Variants in RPTOR observed in about 807,000 individuals in gnomAD.
RPTOR encodes the protein regulatory associated protein of MTOR complex 1, also known as regulatory-associated protein of mTOR.
Under a neutral mutation model 169.9 loss-of-function variants are expected in RPTOR, and 21 were observed. The ratio of observed to expected loss-of-function variants is 0.12; its 90% CI spans 0.09 to 0.18. RPTOR has a LOEUF of 0.18. Ranked by LOEUF, RPTOR falls within the 10% of genes least tolerant of loss-of-function variation. The pLI, the probability that RPTOR is intolerant of heterozygous loss-of-function variation, is 1.00. For missense variants in RPTOR, 1,133 were observed against 1,855.9 expected (o/e 0.61, Z 7.16); for synonymous variants, 732 against 753.2 (o/e 0.97, Z 0.46).
intron 5 of RPTOR, among the ~76,000 whole-genome samples, chr17:80,735,061 G>A (rs1482720311): frequency 6.6e-6 from 1 of 152,198 alleles, no homozygotes; most frequent in African/African-American, 2.4e-5. Context: ...AGGGATGACT[G>A]CAACAAGCAG....
In RPTOR at chr17:80,947,237, T is replaced by A. The variant is rs1453498755; in HGVS notation, c.3151T>A (p.Trp1051Arg). Residue 1051 changes from tryptophan (W) to arginine (R), a missense_variant, in exon 27 of 34, where the codon TGG (tryptophan) becomes AGG (arginine). Trp to Arg is a moderately radical substitution (Grantham distance 101). This residue lies in a region of RPTOR where 410 missense variants were observed against 623.7 expected (regional missense o/e 0.66). Transcript: ENST00000306801. This position sits in a 1 kb window ranked among gnomAD's most constrained non-coding sequence, Gnocchi z 4.4. ...ADKDSICFWDWEKGEKLDYFH... is the reference protein window; with the variant it reads ...ADKDSICFWDREKGEKLDYFH... ...TCTTCTTCCCTTAAGCTTTTGGGACTGGGAGAAAGGGGAGAAGCTGGATTA... is the reference window on the plus strand; with the variant it reads ...TCTTCTTCCCTTAAGCTTTTGGGACAGGGAGAAAGGGGAGAAGCTGGATTA... The A allele has an allele frequency of 6.3e-7, 1 of 1,597,058 alleles. No homozygotes were observed. The highest frequency in any genetic ancestry group is 2.3e-5 in the East Asian group (1 of 43,602).
chr17:80,588,840 T>C (rs138464941), intron 1 of RPTOR, among the ~76,000 whole-genome samples: 3,556 of 152,320 alleles, frequency 0.023, 62 homozygotes, highest in Non-Finnish European at 0.032. Flanking sequence ...TCTTGTCCTG[T>C]GAAACATCTC....
At chr17:80,548,371 G>GTTTT (rs34301408) in intron 1 of RPTOR, among the ~76,000 whole-genome samples, 7 of 63,436 alleles carry the variant, frequency 1.1e-4, no homozygotes, top group Non-Finnish European at 1.5e-4. Flanking sequence ...GCCTGGGGTG[G>GTTTT]TTTTTTTTTT....
intron 3 of RPTOR, among the ~76,000 whole-genome samples, chr17:80,696,406 G>T (rs2066036682): frequency 6.6e-6 from 1 of 152,054 alleles, no homozygotes; most frequent in Non-Finnish European, 1.5e-5. Context: ...GTCCATGTTG[G>T]GACAAAAAAA....
chr17:80,809,454 G>T (rs765674922), intron 7 of RPTOR, among the ~76,000 whole-genome samples: 1 of 152,220 alleles, frequency 6.6e-6, no homozygotes, highest in Non-Finnish European at 1.5e-5. Flanking sequence ...GGCCACCCAA[G>T]TGCCGGGATT....
rs558435841 is a variant in RPTOR, at chr17:80,864,491, A to G, written c.1509+6591A>G. ...GACAGCGGAACAGCATCTTTAAAGC[A>G]GAGAGAGAGACAGAGAAAGAGAAAA... is the stretch of plus-strand genomic sequence containing the variant. On this transcript the variant is annotated intron_variant, in intron 13 of 33. Transcript: ENST00000306801. 1.5e-4 allele frequency among the ~76,000 whole-genome samples: 23 copies of G among 152,200 alleles called. No individual in the cohort carries two copies. In the South Asian group the frequency reaches 4.3e-3, roughly 29 times the overall value.
chr17:80,928,657 T>C (rs1223449859), intron 24 of RPTOR, among the ~76,000 whole-genome samples: 1 of 152,232 alleles, frequency 6.6e-6, no homozygotes, highest in East Asian at 1.9e-4. Context: ...CGGCTCACCT[T>C]TGATTGGTGA....
intron 3 of RPTOR, among the ~76,000 whole-genome samples, chr17:80,685,096 A>G (rs781011045): frequency 8.5e-6 from 1 of 117,484 alleles, no homozygotes; most frequent in Non-Finnish European, 1.7e-5. Context: ...TCAGGATTGT[A>G]TACCCTTTTC....
intron 23 of RPTOR, among the ~76,000 whole-genome samples, chr17:80,924,682 C>T (rs898017616): frequency 7.9e-5 from 12 of 152,068 alleles, no homozygotes; most frequent in African/African-American, 2.9e-4. Flanking sequence ...GGGGGGGATG[C>T]ACCTCTCACT....
rs4969310 is a variant in RPTOR, at chr17:80,928,180, T to G, written c.2919+2700T>G. ...CTGATAGCAACTGCAGTCTTAGGAGTGTCTTTAACATTAGAGACCTTTTCC... is the reference window on the plus strand; with the variant it reads ...CTGATAGCAACTGCAGTCTTAGGAGGGTCTTTAACATTAGAGACCTTTTCC... On this transcript the variant is annotated intron_variant, in intron 24 of 33. Coordinates refer to ENST00000306801, the MANE Select transcript of RPTOR (RefSeq NM_020761.3). Among the ~76,000 whole-genome samples, 3 of 152,100 alleles carry G rather than the reference T, an allele frequency of 2.0e-5. No homozygotes were observed. In the South Asian group the frequency reaches 6.2e-4, roughly 32 times the overall value.
At chr17:80,907,468 G>A (rs1052164552) in intron 20 of RPTOR, among the ~76,000 whole-genome samples, 1 of 152,236 alleles carries the variant, frequency 6.6e-6, no homozygotes, top group African/African-American at 2.4e-5. Flanking sequence ...TCTGGTCCTC[G>A]GCCCAGCCCT....
intron 7 of RPTOR, among the ~76,000 whole-genome samples, chr17:80,799,611 G>A (rs752934700): frequency 2.0e-5 from 3 of 152,176 alleles, no homozygotes; most frequent in Non-Finnish European, 4.4e-5. Context: ...GTCACGTGAC[G>A]CAAGGAGAAT....
At chr17:80,634,197 CATACT>C (rs2065466012) in intron 2 of RPTOR, among the ~76,000 whole-genome samples, 1 of 111,512 alleles carries the variant, frequency 9.0e-6, no homozygotes, top group Non-Finnish European at 1.8e-5. Flanking sequence ...ACTGTGTGTG[CATACT>C]GTGTGTGCAT....
At chr17:80,563,016 A>G (rs181219544) in intron 1 of RPTOR, among the ~76,000 whole-genome samples, 186 of 152,242 alleles carry the variant, frequency 1.2e-3, no homozygotes, top group African/African-American at 4.2e-3. Context: ...TCCTGCATCA[A>G]TAGTGGGCCG....
chr17:80,711,742 G>GTTTTTTTTTTTTTTTTTTTTTT (rs1298623680), intron 4 of RPTOR, among the ~76,000 whole-genome samples: 1 of 51,398 alleles, frequency 1.9e-5, no homozygotes, highest in African/African-American at 1.9e-4. Context: ...TTATACATCA[G>GTTTTTTTTTTTTTTTTTTTTTT]TCTTTTTTTT....
chr17:80,814,699 T>A lies in RPTOR; in HGVS notation c.891-7502T>A, dbSNP rs140563955. Among the ~76,000 whole-genome samples, 239 of 152,352 alleles carry A rather than the reference T, an allele frequency of 1.6e-3. 3 individuals are homozygous for A. Among genetic ancestry groups the A allele is most frequent in the African/African-American group, 5.4e-3 (224 of 41,588 alleles). ...CCATCAAATATGTACACGGCATCTG[T>A]TCTGTATTCGACTTTCACGCTAAGC... On this transcript the variant is annotated intron_variant, in intron 7 of 33. Transcript: ENST00000306801.
intron 6 of RPTOR, among the ~76,000 whole-genome samples, chr17:80,785,411 A>G (rs2066981707): frequency 6.6e-6 from 1 of 152,262 alleles, no homozygotes; most frequent in Admixed American, 6.5e-5. Context: ...TCTTCAGTAT[A>G]TCTTGATGAA....
Position 80,945,757 on chromosome 17 carries a change from C to T in RPTOR, c.3116C>T (p.Ala1039Val). The change falls in exon 26 of 34, where the codon GCC becomes GTC. Residue 1039 changes from alanine to valine, a missense_variant. Ala to Val is a moderately conservative substitution (Grantham distance 64). Transcript: ENST00000306801. ...VKFHPFTPCIAVADKDSICFW... is the reference protein window; with the variant it reads ...VKFHPFTPCIVVADKDSICFW... ...TTCCACCCCTTCACGCCGTGCATCG[C>T]CGTAGCCGACAAGGACAGCATCTGG... 1.2e-6 allele frequency: 2 copies of T among 1,611,590 alleles called. No individual in the cohort carries two copies. The highest frequency in any genetic ancestry group is 1.7e-6 in the Non-Finnish European group (2 of 1,179,018).
rs1407413117 is a variant in RPTOR, at chr17:80,585,201, TA to T, written c.162+39411del. ...TTATTATTATTATTATTATTATTAT[TA>T]TTTTTGTTTTTTTTTTTCCTGAGAT... is the stretch of plus-strand genomic sequence containing the variant. On this transcript the variant is annotated intron_variant, in intron 1 of 33. Transcript: ENST00000306801. Among the ~76,000 whole-genome samples the T allele has an allele frequency of 9.5e-5, 14 of 147,916 alleles. 1 individual carries two copies. The highest frequency in any genetic ancestry group is 3.0e-4 in the African/African-American group (12 of 40,274).
Sources: allele counts gnomAD v4.1 joint callset (sites outside exome capture counted in the v4.1 genomes callset), GRCh38; gene constraint gnomAD v4.1.1; regional missense constraint gnomAD v4.1.1; non-coding constraint Gnocchi (gnomAD v3.1); transcripts MANE v1.5; gene names NCBI Gene and HGNC (gene_info 2026-07-23, HGNC 2026-07-21).